The following USP24 variants were observed in gnomAD, a reference collection of about 807,000 sequenced individuals.
The protein encoded by USP24 is ubiquitin specific peptidase 24.
USP24 carries 97 observed loss-of-function variants against 361.6 expected under a neutral mutation model. The ratio of observed to expected loss-of-function variants is 0.27; its 90% CI spans 0.23 to 0.32. The LOEUF (loss-of-function observed/expected upper bound fraction) is 0.32. Among genes scored for constraint, USP24 ranks in the 10% least tolerant of loss-of-function variants. The pLI is 1.00. For synonymous variants in USP24, 1,098 were observed against 1,124.6 expected (o/e 0.98, Z 0.47); for missense variants, 2,353 against 3,165.6 (o/e 0.74, Z 6.16).
chr1:55,154,584 A>G, intron 13 of USP24, 87 bp downstream of exon 13: 1 of 1,455,904 alleles, frequency 6.9e-7, no homozygotes, highest in Non-Finnish European at 9.4e-7. Context: ...AAATACTGCT[A>G]ACTGGTGGGG....
intron 7 of USP24, among the ~76,000 whole-genome samples, chr1:55,163,496 A>T (rs1648505637): frequency 6.6e-6 from 1 of 152,102 alleles, no homozygotes; most frequent in Non-Finnish European, 1.5e-5. Context: ...ACCAATAATC[A>T]TATGACAAAA....
chr1:55,072,393 T>C lies in USP24; in HGVS notation c.7613A>G (p.His2538Arg), dbSNP rs1180196648. ...GACATTACTCTGTGGTGTCCAGTAA[T>C]GTTCTGACATCTGAGATGAAAGGTC... ...VQWLQKKMSE[H>R]YWTPQSNVSN... Residue 2538 changes from histidine (H) to arginine (R), a missense_variant, in exon 66 of 68, where the codon CAT becomes CGT. His to Arg is a conservative substitution (Grantham distance 29). Around this residue, in one of 8 missense-constraint regions of USP24, gnomAD observed 598 missense variants for 761.9 expected, o/e 0.78. Coordinates refer to ENST00000294383, the MANE Select transcript of USP24 (RefSeq NM_015306.3). 1 of 1,612,856 alleles carries C rather than the reference T, an allele frequency of 6.2e-7. No homozygotes were observed.
At position 55,103,889 on chromosome 1, in the gene USP24, G is replaced by T; in HGVS notation, c.5012C>A (p.Thr1671Asn). 6.2e-7 allele frequency: 1 copy of T among 1,611,184 alleles called. No homozygotes were observed. The highest frequency in any genetic ancestry group is 1.3e-5 in the African/African-American group (1 of 74,894). ...SMHHQPDPAL[T>N]KEFDYLPPVD... ...TAGAAAACCTACATCAAACTCCTTG[G>T]TAAGAGCAGGGTCAGGCTGGTGATG... The change falls in exon 42 of 68, where the codon ACC (threonine) becomes AAC (asparagine). Residue 1671 changes from threonine to asparagine, a missense_variant. By Grantham distance (65) the Thr-to-Asn change is moderately conservative. Around this residue, in one of 8 missense-constraint regions of USP24, gnomAD observed 949 missense variants for 1,280.5 expected, o/e 0.74. Coordinates refer to ENST00000294383, the MANE Select transcript of USP24 (RefSeq NM_015306.3).
chr1:55,148,628 A>G, intron 16 of USP24, 58 bp from the exon 17 acceptor site: 2 of 1,285,054 alleles, frequency 1.6e-6, no homozygotes, highest in Non-Finnish European at 2.2e-6. Flanking sequence ...AGATTCATTT[A>G]TTAGCTATAA....
chr1:55,068,832 T>C lies in USP24; in HGVS notation c.*213A>G. 4 of 573,640 alleles carry C rather than the reference T, an allele frequency of 7.0e-6. No individual in the cohort carries two copies. The highest frequency in any genetic ancestry group is 1.2e-5 in the Non-Finnish European group (4 of 325,130). 35.5% of individuals were successfully genotyped at this position (573,640 alleles called of 1,614,324 possible). On this transcript the variant is annotated 3_prime_UTR_variant, in exon 68 of 68. Transcript: ENST00000294383. ...TAGACCACGCTCCCGGGACAGCTGA[T>C]CCACATGCCGGAGTTCTCCCACTGC...
In USP24 at chr1:55,214,781, C is replaced by A; in HGVS notation, c.324+9G>T. The A allele has an allele frequency of 8.2e-7, 1 of 1,223,980 alleles. No homozygotes were observed. The highest frequency in any genetic ancestry group is 1.0e-6 in the Non-Finnish European group (1 of 972,872). The allele number at this position is 1,223,980 out of a possible 1,614,324, so 75.8% of individuals were successfully genotyped here. A position where few individuals can be genotyped will look rare whatever the true frequency, so the allele number is the denominator to read the frequency against. On this transcript the variant is annotated intron_variant, in intron 1 of 67. Coordinates refer to ENST00000294383, the MANE Select transcript of USP24 (RefSeq NM_015306.3). ...CTTCCCACAGAGGTCTGGGGTTGCCCCTCCTCACCTCCGCGTCCACCACCT... is the reference window on the plus strand; with the variant it reads ...CTTCCCACAGAGGTCTGGGGTTGCCACTCCTCACCTCCGCGTCCACCACCT...
chr1:55,195,879 T>G (rs1357179361), intron 1 of USP24, among the ~76,000 whole-genome samples: 2 of 152,170 alleles, frequency 1.3e-5, no homozygotes, highest in Non-Finnish European at 2.9e-5. Context: ...CACAACAATT[T>G]GAATATACTT....
At chr1:55,158,210 T>C (rs577680633) in intron 10 of USP24, among the ~76,000 whole-genome samples, 1 of 152,358 alleles carries the variant, frequency 6.6e-6, no homozygotes, top group East Asian at 1.9e-4. Context: ...GTTGCCCACA[T>C]GTGCCCATCC....
intron 38 of USP24, among the ~76,000 whole-genome samples, chr1:55,113,675 A>G (rs562543899): frequency 3.5e-4 from 53 of 152,354 alleles, no homozygotes; most frequent in Non-Finnish European, 7.2e-4. Context: ...TCAAAAAGCT[A>G]TCCACCACGA....
At chr1:55,126,481 G>C (rs1477929608) in intron 32 of USP24, among the ~76,000 whole-genome samples, 2 of 152,108 alleles carry the variant, frequency 1.3e-5, no homozygotes, top group Non-Finnish European at 2.9e-5. Flanking sequence ...TCCCCCTCTA[G>C]ACTGTAAGCT....
chr1:55,189,179 T>G lies in USP24; in HGVS notation c.325-11047A>C, dbSNP rs577180299. Among the ~76,000 whole-genome samples the G allele has an allele frequency of 7.9e-5, 12 of 152,238 alleles. No individual in the cohort carries two copies. In the South Asian group the frequency reaches 2.5e-3, roughly 32 times the overall value. ...TATTCATAAGAGAAATGGAAACATA[T>G]GTCCACATAAAACACGTATACATGA... On this transcript the variant is annotated intron_variant, in intron 1 of 67. Coordinates refer to ENST00000294383, the MANE Select transcript of USP24 (RefSeq NM_015306.3).
rs866351596 is a variant in USP24, at chr1:55,073,870, C to T, written c.7484G>A (p.Arg2495His). 4.4e-6 allele frequency: 7 copies of T among 1,581,538 alleles called. No homozygotes were observed. Among genetic ancestry groups the T allele is most frequent in the East Asian group, 2.3e-5 (1 of 43,618 alleles). Residue 2495 changes from arginine (R) to histidine (H), a missense_variant, in exon 64 of 68, where the codon CGC becomes CAC. Physicochemically the swap from Arg to His is conservative, Grantham distance 29. Coordinates refer to ENST00000294383, the MANE Select transcript of USP24 (RefSeq NM_015306.3). ...AAGAAATTTGACACACTGGTAGCAG[C>T]GACTACTGTCCACATGATTACTGTG... Reference protein sequence around the residue: ...MHHSNHVDSSRCYQCVKFLVT... With the variant: ...MHHSNHVDSSHCYQCVKFLVT...
chr1:55,099,902 A>T (rs1422738057), intron 44 of USP24, 33 bp from the exon 45 acceptor site: 1 of 1,477,920 alleles, frequency 6.8e-7, no homozygotes, highest in Non-Finnish European at 9.2e-7. Flanking sequence ...TTTTAAAGGA[A>T]AAGTAGCAAT....
At chr1:55,132,844 C>T in intron 30 of USP24, 144 bp from the exon 31 acceptor site, 2 of 740,454 alleles carry the variant, frequency 2.7e-6, no homozygotes, top group East Asian at 2.8e-5. Context: ...CTTCATAAAA[C>T]CACATCACTC....
chr1:55,214,892 G>C lies in USP24; in HGVS notation c.222C>G (p.Gly74=). Reference sequence around the variant, plus strand: ...GGCCGCCGCCGCCGCCGTCACCTCCGCCGTCGCCCCGCGGGCCCCCGCCGG... The same window carrying C: ...GGCCGCCGCCGCCGCCGTCACCTCCCCCGTCGCCCCGCGGGCCCCCGCCGG... ...PGPGGGPRGD[G]GGDGGGGGPS... Residue 74 remains glycine (G), a synonymous_variant, in exon 1 of 68, where the codon GGC becomes GGG. Coordinates refer to ENST00000294383, the MANE Select transcript of USP24 (RefSeq NM_015306.3). The C allele has an allele frequency of 7.9e-6, 10 of 1,258,630 alleles. No homozygotes were observed. Among genetic ancestry groups the C allele is most frequent in the Non-Finnish European group, 1.0e-5 (10 of 995,336 alleles). The allele number at this position is 1,258,630 out of a possible 1,614,324, so 78.0% of individuals were successfully genotyped here.
At chr1:55,190,010 C>T (rs1371004284) in intron 1 of USP24, among the ~76,000 whole-genome samples, 1 of 151,406 alleles carries the variant, frequency 6.6e-6, no homozygotes, top group Non-Finnish European at 1.5e-5. Flanking sequence ...ACTAAAAATA[C>T]AAAAATTAGC....
rs191725269 is a variant in USP24, at chr1:55,075,345, G to A, written c.7447+112C>T. On this transcript the variant is annotated intron_variant, in intron 63 of 67. Transcript: ENST00000294383. ...CAGTGGCCCTGACCAGACTTCTACT[G>A]TATCAGTCACTGTAGATCCCACCGA... 2.0e-5 allele frequency: 21 copies of A among 1,033,974 alleles called. No homozygotes were observed. The Admixed American group carries it at 3.8e-4, about 19-fold the overall frequency. 64.0% of individuals were successfully genotyped at this position (1,033,974 alleles called of 1,614,324 possible).
chr1:55,211,668 A>G (rs1644849590), intron 1 of USP24, among the ~76,000 whole-genome samples: 1 of 152,208 alleles, frequency 6.6e-6, no homozygotes, highest in African/African-American at 2.4e-5. Context: ...GCTTGGACTA[A>G]GACCCACTAG....
At chr1:55,121,186 C>A (rs983251929) in intron 37 of USP24, among the ~76,000 whole-genome samples, 1 of 152,108 alleles carries the variant, frequency 6.6e-6, no homozygotes, top group African/African-American at 2.4e-5. Flanking sequence ...CTGGTTGTAA[C>A]GTTGTTATAA....
Sources: gnomAD v4.1 joint callset for allele counts (sites outside exome capture counted in the v4.1 genomes callset) on GRCh38, gnomAD v4.1.1 for gene constraint, gnomAD v4.1.1 regional missense constraint, MANE v1.5 for transcripts, NCBI Gene and HGNC (gene_info 2026-07-23, HGNC 2026-07-21) for gene names.